TAB2: variants seen among roughly 807,000 people sequenced by gnomAD.
TAB2 encodes the protein TGF-beta activated kinase 1 (MAP3K7) binding protein 2, also known as TGF-beta-activated kinase 1 and MAP3K7-binding protein 2.
A neutral mutation model predicts 65.0 loss-of-function variants in TAB2; 3 were observed. The ratio of observed to expected loss-of-function variants is 0.05; its 90% CI spans 0.02 to 0.12. The LOEUF (loss-of-function observed/expected upper bound fraction) is 0.12. TAB2 is among the 10% of genes least tolerant of loss of function. The probability of loss-of-function intolerance (pLI) is 1.00; values close to 1 mark genes in which losing one functional copy is unlikely to be tolerated. For missense variants in TAB2, 623 were observed against 840.3 expected, an observed-to-expected ratio of 0.74 and a Z score of 3.20; for synonymous variants, 298 against 285.1, an observed-to-expected ratio of 1.05 and a Z score of -0.46.
At chr6:149,330,722 T>C (rs1373151324) in intron 1 of TAB2, among the ~76,000 whole-genome samples, 1 of 152,210 alleles carries the variant, frequency 6.6e-6, no homozygotes. Flanking sequence ...TCTCCTAGTA[T>C]GTGGCATGTC....
intron 2 of TAB2, among the ~76,000 whole-genome samples, chr6:149,371,231 T>G (rs1378413266): frequency 6.6e-6 from 1 of 152,180 alleles, no homozygotes; most frequent in Non-Finnish European, 1.5e-5. Context: ...ACCTTTTAAT[T>G]GGTCTACCTG....
At chr6:149,329,434 G>A (rs976418996) in intron 1 of TAB2, among the ~76,000 whole-genome samples, 1 of 152,216 alleles carries the variant, frequency 6.6e-6, no homozygotes, top group African/African-American at 2.4e-5. Flanking sequence ...ACAGACCAGG[G>A]TTGCAACAGG....
intron 1 of TAB2, among the ~76,000 whole-genome samples, chr6:149,225,614 T>G (rs1409882840): frequency 6.6e-6 from 1 of 152,130 alleles, no homozygotes; most frequent in Non-Finnish European, 1.5e-5. Flanking sequence ...TGTGGATCAA[T>G]CATGGTGTTA....
At chr6:149,305,950 C>T (rs529773031) in intron 1 of TAB2, among the ~76,000 whole-genome samples, 5 of 152,332 alleles carry the variant, frequency 3.3e-5, no homozygotes, top group East Asian at 1.9e-4. Context: ...AGATGACCAA[C>T]GCCTCTCCTT....
At chr6:149,249,872 A>G (rs1562387764) in intron 1 of TAB2, among the ~76,000 whole-genome samples, 2 of 152,222 alleles carry the variant, frequency 1.3e-5, no homozygotes, top group Non-Finnish European at 2.9e-5. Flanking sequence ...TAATAATAAA[A>G]TTCTAAGTCC....
chr6:149,253,956 GAAAA>G (rs56296651), intron 1 of TAB2, among the ~76,000 whole-genome samples: 1,113 of 86,702 alleles, frequency 0.013, 5 homozygotes, highest in Middle Eastern at 0.033. Flanking sequence ...AAGAAAGAAA[GAAAA>G]AGAAAGAAAG....
rs555251001 is a variant in TAB2, at chr6:149,403,818, CAG to C, written c.1939+4637_1939+4638del. ...TAAACAGCCAGATCTTTCATGAACT[CAG>C]AGCAATATCTCACTCATTATTGAGA... On this transcript the variant is annotated intron_variant, in intron 6 of 6. Coordinates refer to ENST00000637181, the MANE Select transcript of TAB2 (RefSeq NM_001292034.3). 2.0e-5 allele frequency among the ~76,000 whole-genome samples: 3 copies of C among 152,106 alleles called. No homozygotes were observed. The East Asian group carries it at 5.8e-4, about 30-fold the overall frequency.
In TAB2 at chr6:149,379,303, C is replaced by T; in HGVS notation, c.1388C>T (p.Thr463Ile). Residue 463 changes from threonine (T) to isoleucine (I), a missense_variant, in exon 3 of 7, where the codon ACT becomes ATT. Transcript: ENST00000637181. The part of the protein sequence containing the change: ...VVVTQPNTKY[T>I]FKITVSPNKP... ...GTCACTCAGCCCAATACGAAATACA[C>T]TTTCAAAATTACAGTCTCTCCCAAT... is the stretch of plus-strand genomic sequence containing the variant. 6.2e-7 allele frequency: 1 copy of T among 1,614,228 alleles called. No homozygotes were observed. Among genetic ancestry groups the T allele is most frequent in the Non-Finnish European group, 8.5e-7 (1 of 1,180,034 alleles).
At chr6:149,272,574 C>G (rs1322270717) in intron 1 of TAB2, among the ~76,000 whole-genome samples, 1 of 152,186 alleles carries the variant, frequency 6.6e-6, no homozygotes, top group African/African-American at 2.4e-5. Flanking sequence ...GACACTGCTG[C>G]CTCCTTCTTA....
At chr6:149,257,831 G>A (rs1778071707) in intron 1 of TAB2, among the ~76,000 whole-genome samples, 1 of 151,998 alleles carries the variant, frequency 6.6e-6, no homozygotes, top group African/African-American at 2.4e-5. Context: ...GCACAAGCGA[G>A]GGCAAGTGAA....
intron 1 of TAB2, among the ~76,000 whole-genome samples, chr6:149,286,100 A>G (rs1345684395): frequency 6.7e-6 from 1 of 149,370 alleles, no homozygotes; most frequent in Non-Finnish European, 1.5e-5. Context: ...ATACACTACC[A>G]AAAAAGTATC....
chr6:149,232,857 C>T (rs747158660), intron 1 of TAB2, among the ~76,000 whole-genome samples: 1 of 152,248 alleles, frequency 6.6e-6, no homozygotes, highest in Non-Finnish European at 1.5e-5. Flanking sequence ...AGAGAAAGTG[C>T]CCCAGAGCAG....
chr6:149,284,382 A>G (rs961957207), intron 1 of TAB2, among the ~76,000 whole-genome samples: 1 of 152,210 alleles, frequency 6.6e-6, no homozygotes, highest in East Asian at 1.9e-4. Context: ...TGTCTTTCTT[A>G]TATTTCCCTG....
intron 1 of TAB2, among the ~76,000 whole-genome samples, chr6:149,354,117 GCAT>G (rs1468265329): frequency 6.6e-6 from 1 of 152,102 alleles, no homozygotes; most frequent in Non-Finnish European, 1.5e-5. Flanking sequence ...TCAATTATGT[GCAT>G]CTAATTGGTC....
chr6:149,316,536 G>GA (rs1391460871), upstream of TAB2, among the ~76,000 whole-genome samples: 3 of 152,188 alleles, frequency 2.0e-5, no homozygotes, highest in African/African-American at 7.2e-5. Flanking sequence ...GACAGGGGCA[G>GA]AAAAATGCCC....
chr6:149,359,759 G>C (rs549133972), intron 1 of TAB2, among the ~76,000 whole-genome samples: 19 of 151,932 alleles, frequency 1.3e-4, no homozygotes, highest in Non-Finnish European at 2.2e-4. Context: ...TTTGTTTCTG[G>C]CACCAGGGAA....
intron 1 of TAB2, among the ~76,000 whole-genome samples, chr6:149,228,369 G>C (rs1240503394): frequency 6.6e-6 from 1 of 152,156 alleles, no homozygotes; most frequent in Non-Finnish European, 1.5e-5. Flanking sequence ...GGTGAGGGTG[G>C]CATCTGGGGA....
intron 1 of TAB2, among the ~76,000 whole-genome samples, chr6:149,232,971 CA>C (rs1322268688): frequency 6.6e-6 from 1 of 152,160 alleles, no homozygotes; most frequent in African/African-American, 2.4e-5. Context: ...AAGGCAGGCA[CA>C]GCTGACATCC....
intron 1 of TAB2, among the ~76,000 whole-genome samples, chr6:149,363,924 T>C (rs996334675): frequency 6.6e-6 from 1 of 152,204 alleles, no homozygotes; most frequent in Non-Finnish European, 1.5e-5. Flanking sequence ...TTTCCCATTG[T>C]TTCCTAATTC....
Sources: gnomAD v4.1 joint callset for allele counts (sites outside exome capture counted in the v4.1 genomes callset) on GRCh38, gnomAD v4.1.1 for gene constraint, MANE v1.5 for transcripts, NCBI Gene and HGNC (gene_info 2026-07-23, HGNC 2026-07-21) for gene names.